ZBTB8B: variants seen among roughly 807,000 people sequenced by gnomAD.
ZBTB8B encodes zinc finger and BTB domain-containing protein 8B.
In ZBTB8B, 17 loss-of-function variants were observed where a neutral mutation model predicts 30.3. The ratio of observed to expected loss-of-function variants is 0.56; its 90% CI spans 0.38 to 0.84. ZBTB8B has a LOEUF of 0.84. Ranked by LOEUF, ZBTB8B falls within the 40% of genes least tolerant of loss-of-function variation. ZBTB8B has a pLI of 0.00. For synonymous variants in ZBTB8B, 248 were observed against 255.6 expected (o/e 0.97, Z 0.28); for missense variants, 515 against 644.9 (o/e 0.80, Z 2.18).
In ZBTB8B at chr1:32,493,126, T is replaced by C. The variant is rs557183124; in HGVS notation, c.*7708T>C. On this transcript the variant is annotated 3_prime_UTR_variant, in exon 4 of 4. Coordinates refer to ENST00000609129, the MANE Select transcript of ZBTB8B (RefSeq NM_001145720.2). ...TAGAATATCAGAATGTTGTAGTCTT[T>C]AGGAAATATGCATCAGGTTTGTTTT... is the stretch of plus-strand genomic sequence containing the variant. The C allele has an allele frequency of 6.6e-6, 1 of 152,236 alleles. No homozygotes were observed. The highest frequency in any genetic ancestry group is 1.9e-4 in the East Asian group (1 of 5,170). 9.4% of individuals were successfully genotyped at this position (152,236 alleles called of 1,614,324 possible).
chr1:32,466,281 T>C (rs1316058506), intron 1 of ZBTB8B, among the ~76,000 whole-genome samples: 1 of 152,148 alleles, frequency 6.6e-6, no homozygotes. Context: ...TGAGAGTTTG[T>C]ATTGCAGGTA....
At chr1:32,468,637 T>A (rs1557680189) in intron 1 of ZBTB8B, among the ~76,000 whole-genome samples, 1 of 151,872 alleles carries the variant, frequency 6.6e-6, no homozygotes, top group Non-Finnish European at 1.5e-5. Context: ...ATAATGATGA[T>A]AAAGGGAGAC....
In ZBTB8B at chr1:32,471,310, C is replaced by T; in HGVS notation, c.686C>T (p.Pro229Leu). 1 of 1,551,750 alleles carries T rather than the reference C, an allele frequency of 6.4e-7. No homozygotes were observed. The highest frequency in any genetic ancestry group is 8.7e-7 in the Non-Finnish European group (1 of 1,147,010). The change falls in exon 2 of 4, where the codon CCC (proline) becomes CTC (leucine). Residue 229 changes from proline to leucine, a missense_variant. Transcript: ENST00000609129. ...TCTACTCCACCCAAACGGATAGAGC[C>T]CAAGGTGGAATTTGATGCTGATGAA... ...NLSTPPKRIE[P>L]KVEFDADEVE...
chr1:32,470,248 C>G (rs1398604146), intron 1 of ZBTB8B, among the ~76,000 whole-genome samples: 1 of 152,058 alleles, frequency 6.6e-6, no homozygotes, highest in Non-Finnish European at 1.5e-5. Context: ...CGCCTGTAAT[C>G]CCAGCGCTTT....
rs1171454941 is a variant in ZBTB8B at position 32,496,004 on chromosome 1, T to A, written c.*10586T>A. On this transcript the variant is annotated 3_prime_UTR_variant, in exon 4 of 4. Transcript: ENST00000609129. ...TTTTTCTCAGGGCAATTATTTTATATAAAATTCTAATGGAGAATTTTATGG... is the reference window on the plus strand; with the variant it reads ...TTTTTCTCAGGGCAATTATTTTATAAAAAATTCTAATGGAGAATTTTATGG... The A allele has an allele frequency of 2.0e-5, 3 of 152,314 alleles. No individual in the cohort carries two copies. In the East Asian group the frequency reaches 5.8e-4, roughly 29 times the overall value. 9.4% of individuals were successfully genotyped at this position (152,314 alleles called of 1,614,324 possible). A position where few individuals can be genotyped will look rare whatever the true frequency, so the allele number is the denominator to read the frequency against.
At chr1:32,470,507 A>ATAAAAAAATAAAT (rs1396630216) in intron 1 of ZBTB8B, 77 bp from the exon 2 acceptor site, 1 of 1,010,708 alleles carries the variant, frequency 9.9e-7, no homozygotes. Context: ...CTCAAAAAAA[A>ATAAAAAAATAAAT]AAAAAAAAAA....
At chr1:32,476,556 C>A (rs1397836424) in intron 2 of ZBTB8B, among the ~76,000 whole-genome samples, 2 of 151,994 alleles carry the variant, frequency 1.3e-5, no homozygotes, top group Non-Finnish European at 2.9e-5. Flanking sequence ...TCTCTTAAGT[C>A]TTTTCCCTGA....
chr1:32,465,212 C>G lies in ZBTB8B; in HGVS notation c.-42+107C>G, dbSNP rs1315732201. ...TTGGGGTTAGCGGGCAGGGTTGCCC[C>G]CACTCAGTCATCCTCCTTCGGACCG... On this transcript the variant is annotated intron_variant, in intron 1 of 3. Transcript: ENST00000609129. The surrounding 1 kb of genome is among the most constrained non-coding windows in gnomAD (Gnocchi z 4.1). The G allele has an allele frequency of 6.6e-6, 1 of 152,400 alleles. No homozygotes were observed. The allele number at this position is 152,400 out of a possible 1,614,324, so 9.4% of individuals were successfully genotyped here.
In ZBTB8B at chr1:32,494,284, G is replaced by C. The variant is rs1239473080; in HGVS notation, c.*8866G>C. The C allele has an allele frequency of 6.6e-6, 1 of 150,996 alleles. No individual in the cohort carries two copies. The highest frequency in any genetic ancestry group is 1.5e-5 in the Non-Finnish European group (1 of 67,818). 9.4% of individuals were successfully genotyped at this position (150,996 alleles called of 1,614,324 possible). The stretch of plus-strand genomic sequence containing the variant: ...TAGAAGGGACAGGAGAGATAGTCTA[G>C]TCCAACTCCATGTGACAGATGAAAT... On this transcript the variant is annotated 3_prime_UTR_variant, in exon 4 of 4. Transcript: ENST00000609129.
intron 2 of ZBTB8B, among the ~76,000 whole-genome samples, chr1:32,478,222 G>A (rs1321664069): frequency 7.0e-6 from 1 of 143,308 alleles, no homozygotes; most frequent in African/African-American, 2.6e-5. Flanking sequence ...TGTCAAAAAC[G>A]AAAAACAGGC....
At chr1:32,473,188 C>T (rs1408245036) in intron 2 of ZBTB8B, among the ~76,000 whole-genome samples, 1 of 152,190 alleles carries the variant, frequency 6.6e-6, no homozygotes. Context: ...CGCCTGTAAT[C>T]CCAGTTACTC....
At chr1:32,476,078 A>G (rs1643662913) in intron 2 of ZBTB8B, among the ~76,000 whole-genome samples, 1 of 152,132 alleles carries the variant, frequency 6.6e-6, no homozygotes, top group South Asian at 2.1e-4. Flanking sequence ...TCAGCCTCCT[A>G]AAGTGCTGGG....
rs1479916651 is a variant in ZBTB8B at position 32,471,291 on chromosome 1, C to T, written c.667C>T (p.Pro223Ser). 1.3e-6 allele frequency: 2 copies of T among 1,551,818 alleles called. No individual in the cohort carries two copies. The highest frequency in any genetic ancestry group is 1.7e-6 in the Non-Finnish European group (2 of 1,147,022). ...GGSADSNLST[P>S]PKRIEPKVEF... ...CTCGGCTGACAGCAACCTCTCTACTCCACCCAAACGGATAGAGCCCAAGGT... is the reference window on the plus strand; with the variant it reads ...CTCGGCTGACAGCAACCTCTCTACTTCACCCAAACGGATAGAGCCCAAGGT... The change falls in exon 2 of 4, where the codon CCA (proline) becomes TCA (serine). Residue 223 changes from proline (P) to serine (S), a missense_variant. By Grantham distance (74) the Pro-to-Ser change is moderately conservative (BLOSUM62 -1). This residue lies in a region of ZBTB8B where 429 missense variants were observed against 504.3 expected (regional missense o/e 0.85). Coordinates refer to ENST00000609129, the MANE Select transcript of ZBTB8B (RefSeq NM_001145720.2).
rs1379207486 is a variant in ZBTB8B at position 32,494,396 on chromosome 1, A to G, written c.*8978A>G. The G allele has an allele frequency of 6.6e-6, 1 of 152,174 alleles. No individual in the cohort carries two copies. The highest frequency in any genetic ancestry group is 1.5e-5 in the Non-Finnish European group (1 of 68,048). 9.4% of individuals were successfully genotyped at this position (152,174 alleles called of 1,614,324 possible). ...TGATAATAGACAGACATGTTTGGGC[A>G]GGCAGAAAAGACCATTCATAGATAA... On this transcript the variant is annotated 3_prime_UTR_variant, in exon 4 of 4. Coordinates refer to ENST00000609129, the MANE Select transcript of ZBTB8B (RefSeq NM_001145720.2).
In ZBTB8B at chr1:32,470,519, A is replaced by G. The variant is rs936931830; in HGVS notation, c.-41-65A>G. On this transcript the variant is annotated intron_variant, in intron 1 of 3. Coordinates refer to ENST00000609129, the MANE Select transcript of ZBTB8B (RefSeq NM_001145720.2). ...TGACTCAAAAAAAAAAAAAAAAAAAAAAAAAAAGAAATCTTGTTTGTAAAG... is the reference window on the plus strand; with the variant it reads ...TGACTCAAAAAAAAAAAAAAAAAAAGAAAAAAAGAAATCTTGTTTGTAAAG... The G allele has an allele frequency of 7.3e-5, 84 of 1,149,156 alleles. 1 individual carries two copies. In the Admixed American group the frequency reaches 1.8e-3, roughly 25 times the overall value. 71.2% of individuals were successfully genotyped at this position (1,149,156 alleles called of 1,614,324 possible). A position where few individuals can be genotyped will look rare whatever the true frequency, so the allele number is the denominator to read the frequency against.
Position 32,496,251 on chromosome 1 carries a change from T to C in ZBTB8B, c.*10833T>C, listed in dbSNP as rs1643816603. 1 of 152,188 alleles carries C rather than the reference T, an allele frequency of 6.6e-6. No individual in the cohort carries two copies. The highest frequency in any genetic ancestry group is 2.1e-4 in the South Asian group (1 of 4,830). The allele number at this position is 152,188 out of a possible 1,614,324, so 9.4% of individuals were successfully genotyped here. A position where few individuals can be genotyped will look rare whatever the true frequency, so the allele number is the denominator to read the frequency against. ...TGACTACTGTCTGATGAATGGGTAA[T>C]TGATGATGCAATGTATGAAAAAAGT... On this transcript the variant is annotated 3_prime_UTR_variant, in exon 4 of 4. Transcript: ENST00000609129.
intron 3 of ZBTB8B, among the ~76,000 whole-genome samples, chr1:32,482,669 C>CAAAAAAAA (rs1050028688): frequency 1.2e-4 from 5 of 40,064 alleles, no homozygotes; most frequent in Non-Finnish European, 1.5e-4. Flanking sequence ...GACTCCGTGT[C>CAAAAAAAA]AAAAAAAAAA....
intron 1 of ZBTB8B, among the ~76,000 whole-genome samples, chr1:32,468,383 G>A (rs1308387759): frequency 6.6e-6 from 1 of 152,058 alleles, no homozygotes; most frequent in Non-Finnish European, 1.5e-5. Flanking sequence ...GCTTTTCATT[G>A]GCTCTGAAAA....
At chr1:32,482,120 G>A (rs1171894498) in intron 3 of ZBTB8B, among the ~76,000 whole-genome samples, 1 of 152,058 alleles carries the variant, frequency 6.6e-6, no homozygotes, top group African/African-American at 2.4e-5. Context: ...TGGAACTACA[G>A]GCACACACCA....
Sources: allele counts gnomAD v4.1 joint callset (sites outside exome capture counted in the v4.1 genomes callset), GRCh38; gene constraint gnomAD v4.1.1; regional missense constraint gnomAD v4.1.1; non-coding constraint Gnocchi (gnomAD v3.1); transcripts MANE v1.5; gene names NCBI Gene and HGNC (gene_info 2026-07-23, HGNC 2026-07-21).